Variants in SATB2 observed in about 807,000 individuals in gnomAD.
SATB2 encodes SATB homeobox 2.
A neutral mutation model predicts 73.4 loss-of-function variants in SATB2; 1 was observed. That is an observed-to-expected ratio of 0.01 (90% CI 0.00 to 0.06). SATB2 has a LOEUF of 0.06. Among genes scored for constraint, SATB2 ranks in the 10% least tolerant of loss-of-function variants. The pLI is 1.00. For missense variants in SATB2, 459 were observed against 945.8 expected (o/e 0.49, Z 6.75); for synonymous variants, 397 against 367.0 (o/e 1.08, Z -0.93).
chr2:199,387,094 T>G (rs537480159), intron 3 of SATB2, among the ~76,000 whole-genome samples: 31 of 152,334 alleles, frequency 2.0e-4, no homozygotes, highest in South Asian at 4.1e-4. Context: ...TTTATCCTTA[T>G]GAAAACAGCC....
At chr2:199,363,835 G>A (rs1271051016) in intron 6 of SATB2, among the ~76,000 whole-genome samples, 1 of 152,174 alleles carries the variant, frequency 6.6e-6, no homozygotes, top group African/African-American at 2.4e-5. Context: ...CTTTCAACAA[G>A]ATACAACATA....
chr2:199,372,452 CAACTTTTT>C (rs1689477774), intron 5 of SATB2, among the ~76,000 whole-genome samples: 1 of 152,080 alleles, frequency 6.6e-6, no homozygotes, highest in South Asian at 2.1e-4. Flanking sequence ...GTTCCTGAAA[CAACTTTTT>C]AACTCACTTG....
At chr2:199,321,019 G>C (rs1198120742) in intron 9 of SATB2, among the ~76,000 whole-genome samples, 3 of 152,032 alleles carry the variant, frequency 2.0e-5, no homozygotes, top group East Asian at 1.9e-4. Context: ...CAGGAGAAGG[G>C]AAAGCCCTTG....
chr2:199,448,538 G>A (rs146797103), intron 2 of SATB2, among the ~76,000 whole-genome samples: 44 of 152,262 alleles, frequency 2.9e-4, no homozygotes, highest in Middle Eastern at 3.4e-3. Flanking sequence ...TGAAATTCAC[G>A]CTGTTTCTAC....
rs72202602 is a variant in SATB2 at position 199,355,348 on chromosome 2, C to CTATA, written c.701-6179_701-6176dup. Among the ~76,000 whole-genome samples, 195 of 134,190 alleles carry CTATA rather than the reference C, an allele frequency of 1.5e-3. 10 individuals are homozygous for CTATA. Among genetic ancestry groups the CTATA allele is most frequent in the African/African-American group, 5.4e-3 (178 of 33,066 alleles). The allele number at this position is 134,190 out of a possible 152,430, so 88.0% of individuals were successfully genotyped here. On this transcript the variant is annotated intron_variant, in intron 6 of 10. Transcript: ENST00000417098. ...TATGTGTGTGTGTGTGTGTGTGTATCTATATATATATATATATATATATAT... is the reference window on the plus strand; with the variant it reads ...TATGTGTGTGTGTGTGTGTGTGTATCTATATATATATATATATATATATATATAT...
chr2:199,324,165 C>T (rs1269198003), intron 8 of SATB2, among the ~76,000 whole-genome samples: 1 of 152,006 alleles, frequency 6.6e-6, no homozygotes, highest in East Asian at 1.9e-4. Context: ...TCCTGTCAAC[C>T]CTGTTCTCTC....
At chr2:199,398,671 T>C (rs75264293) in intron 3 of SATB2, among the ~76,000 whole-genome samples, 1 of 152,178 alleles carries the variant, frequency 6.6e-6, no homozygotes, top group Non-Finnish European at 1.5e-5. Context: ...TTAGGTAATA[T>C]GAATTTGGGT....
At chr2:199,395,420 G>C (rs6708487) in intron 3 of SATB2, among the ~76,000 whole-genome samples, 99,684 of 152,014 alleles carry the variant, frequency 0.66, 34,359 homozygotes, top group Non-Finnish European at 0.76. Flanking sequence ...GTCAAGGTAA[G>C]TTAAATTTTT....
intron 9 of SATB2, among the ~76,000 whole-genome samples, chr2:199,319,997 A>T (rs1361079316): frequency 2.0e-5 from 3 of 152,038 alleles, no homozygotes; most frequent in Non-Finnish European, 4.4e-5. Flanking sequence ...TCTCCTCTAG[A>T]TTTCTACAAC....
chr2:199,329,180 A>T (rs1688118536), intron 7 of SATB2: 4 of 460,088 alleles, frequency 8.7e-6, no homozygotes, highest in African/African-American at 2.0e-5. Context: ...CAAGGTAGGC[A>T]CTTGGGAAGA....
At position 199,272,134 on chromosome 2, in the gene SATB2, C is replaced by T. The variant is rs560563531; in HGVS notation, c.*77G>A. On this transcript the variant is annotated 3_prime_UTR_variant, in exon 11 of 11. Transcript: ENST00000417098. The surrounding 1 kb of genome is among the most constrained non-coding windows in gnomAD (Gnocchi z 6.7). ...CCCAAAAACAAAAACAAAAAACAAA[C>T]TAACAAAAAACTTTTAAAGAAATGA... 2 of 1,439,966 alleles carry T rather than the reference C, an allele frequency of 1.4e-6. No homozygotes were observed. The highest frequency in any genetic ancestry group is 1.7e-5 in the Admixed American group (1 of 59,360). 89.2% of individuals were successfully genotyped at this position (1,439,966 alleles called of 1,614,324 possible).
chr2:199,417,844 A>G (rs2105910534), intron 3 of SATB2, among the ~76,000 whole-genome samples: 1 of 152,298 alleles, frequency 6.6e-6, no homozygotes, highest in East Asian at 1.9e-4. Flanking sequence ...AAAGAAAATA[A>G]CATTCTTCTA....
chr2:199,342,262 C>G (rs1468775787), intron 7 of SATB2, among the ~76,000 whole-genome samples: 2 of 152,070 alleles, frequency 1.3e-5, no homozygotes, highest in South Asian at 2.1e-4. Context: ...TTTGTGGCCA[C>G]AGGTTAAAGT....
intron 3 of SATB2, among the ~76,000 whole-genome samples, chr2:199,420,076 A>G (rs1327406129): frequency 6.6e-6 from 1 of 152,186 alleles, no homozygotes; most frequent in East Asian, 1.9e-4. Flanking sequence ...TGGCTAAGCC[A>G]CTGTCTCAAG....
chr2:199,317,357 G>A (rs1687763969), intron 9 of SATB2, among the ~76,000 whole-genome samples: 2 of 151,980 alleles, frequency 1.3e-5, no homozygotes, highest in Non-Finnish European at 2.9e-5. Flanking sequence ...AGTTTAACTC[G>A]ATGTCCTCTT....
chr2:199,397,470 G>A (rs1209705375), intron 3 of SATB2: 1 of 152,520 alleles, frequency 6.6e-6, no homozygotes, highest in Non-Finnish European at 1.5e-5. Context: ...ACAAAATTTG[G>A]GAAAAAAGAA....
In SATB2 at chr2:199,368,947, G is replaced by C. The variant is rs572455166; in HGVS notation, c.598-240C>G. The C allele has an allele frequency of 1.5e-5, 6 of 402,242 alleles. 1 individual carries two copies. The South Asian group carries it at 1.7e-4, about 11-fold the overall frequency. 24.9% of individuals were successfully genotyped at this position (402,242 alleles called of 1,614,324 possible). A position where few individuals can be genotyped will look rare whatever the true frequency, so the allele number is the denominator to read the frequency against. On this transcript the variant is annotated intron_variant, in intron 5 of 10. Transcript: ENST00000417098. ...CTGGGGCAATGTCAACAATGGAGGG[G>C]ACAGAACATGCAGATTAAATGCAAA...
At chr2:199,363,311 A>T (rs1394023339) in intron 6 of SATB2, among the ~76,000 whole-genome samples, 1 of 152,220 alleles carries the variant, frequency 6.6e-6, no homozygotes, top group Non-Finnish European at 1.5e-5. Flanking sequence ...AGTAGAAATG[A>T]TGTTTCTATT....
intron 7 of SATB2, among the ~76,000 whole-genome samples, chr2:199,342,912 A>G (rs1688547386): frequency 6.6e-6 from 1 of 152,212 alleles, no homozygotes; most frequent in Admixed American, 6.5e-5. Flanking sequence ...GTTATTTTAC[A>G]TCATCAAATG....
Sources: allele counts gnomAD v4.1 joint callset (sites outside exome capture counted in the v4.1 genomes callset), GRCh38; gene constraint gnomAD v4.1.1; non-coding constraint Gnocchi (gnomAD v3.1); transcripts MANE v1.5; gene names NCBI Gene and HGNC (gene_info 2026-07-23, HGNC 2026-07-21).